The following AFG2A variants were observed in gnomAD, a reference collection of about 807,000 sequenced individuals.
The protein encoded by AFG2A is ATPase family gene 2 protein homolog A.
the AFG2A span, among the ~76,000 whole-genome samples, chr4:123,168,736 A>G: frequency 1.3e-5 from 2 of 152,196 alleles, no homozygotes; most frequent in African/African-American, 2.4e-5. Context: ...GGAAAGCCAA[A>G]GATTATTTTG....
At chr4:123,053,747 G>C in the AFG2A span, among the ~76,000 whole-genome samples, 3 of 152,152 alleles carry the variant, frequency 2.0e-5, no homozygotes, top group African/African-American at 7.2e-5. Flanking sequence ...GGACTCTGCT[G>C]TAGGGACGGA....
the AFG2A span, among the ~76,000 whole-genome samples, chr4:123,280,032 A>G: frequency 1.3e-5 from 2 of 152,204 alleles, no homozygotes; most frequent in Admixed American, 6.5e-5. Flanking sequence ...GGACAATACC[A>G]TGTGCAATGC....
the AFG2A span, among the ~76,000 whole-genome samples, chr4:123,019,174 C>G: frequency 6.6e-6 from 1 of 151,968 alleles, no homozygotes; most frequent in Admixed American, 6.6e-5. Context: ...ATCCTGAGAC[C>G]TTAGGGTTTA....
chr4:123,099,154 A>G, the AFG2A span, among the ~76,000 whole-genome samples: 4 of 151,888 alleles, frequency 2.6e-5, no homozygotes, highest in African/African-American at 4.8e-5. Context: ...GGCTATTTGT[A>G]TGTCTTCTGA....
chr4:122,927,816 A>G, the AFG2A span: 1 of 1,593,388 alleles, frequency 6.3e-7, no homozygotes, highest in Non-Finnish European at 8.5e-7. Flanking sequence ...TGCAAATCCA[A>G]GAATCTAAAC....
chr4:123,120,710 G>T, the AFG2A span, among the ~76,000 whole-genome samples: 39 of 152,248 alleles, frequency 2.6e-4, no homozygotes, highest in African/African-American at 7.7e-4. Flanking sequence ...TGATGTGGTA[G>T]CATAGTGCAT....
the AFG2A span, among the ~76,000 whole-genome samples, chr4:123,038,620 T>G: frequency 1.3e-5 from 2 of 152,212 alleles, no homozygotes; most frequent in East Asian, 3.9e-4. Context: ...TTCAGCTACT[T>G]GGGTTGCATT....
At chr4:123,159,999 C>G in the AFG2A span, among the ~76,000 whole-genome samples, 3 of 152,024 alleles carry the variant, frequency 2.0e-5, no homozygotes, top group Admixed American at 2.0e-4. Context: ...TAATTATGGT[C>G]TGCCAAAAAT....
chr4:123,246,647 C>T, the AFG2A span, among the ~76,000 whole-genome samples: 379 of 152,258 alleles, frequency 2.5e-3, 2 homozygotes, highest in Middle Eastern at 0.014. Context: ...GTCTGACTGC[C>T]TGAAGTCTCT....
chr4:123,135,018 A>G, the AFG2A span, among the ~76,000 whole-genome samples: 1 of 152,310 alleles, frequency 6.6e-6, no homozygotes. Flanking sequence ...ACAAAATACT[A>G]GCAAACCATA....
chr4:123,149,835 T>A, the AFG2A span, among the ~76,000 whole-genome samples: 1 of 137,282 alleles, frequency 7.3e-6, no homozygotes, highest in East Asian at 2.3e-4. Context: ...GGTCAGAGTC[T>A]CACTCTGTCG....
the AFG2A span, among the ~76,000 whole-genome samples, chr4:123,297,580 G>A: frequency 3.9e-5 from 6 of 152,202 alleles, no homozygotes; most frequent in South Asian, 4.2e-4. Context: ...TTAGCCAGAT[G>A]TGGTGGCGGG....
At chr4:123,208,580 T>G in the AFG2A span, among the ~76,000 whole-genome samples, 3 of 152,230 alleles carry the variant, frequency 2.0e-5, no homozygotes, top group Non-Finnish European at 4.4e-5. Flanking sequence ...TTAACCTATA[T>G]ACAGTAACTA....
At chr4:123,292,126 C>A in the AFG2A span, among the ~76,000 whole-genome samples, 1 of 152,158 alleles carries the variant, frequency 6.6e-6, no homozygotes, top group Non-Finnish European at 1.5e-5. Flanking sequence ...TCTTCAAGCT[C>A]TGACATCCTT....
At chr4:123,168,079 C>T in the AFG2A span, among the ~76,000 whole-genome samples, 10 of 152,180 alleles carry the variant, frequency 6.6e-5, no homozygotes, top group African/African-American at 2.2e-4. Flanking sequence ...AGAGTAATAA[C>T]AGGCCTGCTG....
chr4:123,196,550 G>A, the AFG2A span, among the ~76,000 whole-genome samples: 1 of 151,572 alleles, frequency 6.6e-6, no homozygotes, highest in Non-Finnish European at 1.5e-5. Context: ...TTTTCCACAT[G>A]AGACCATTAC....
chr4:122,926,377 T>C, the AFG2A span, among the ~76,000 whole-genome samples: 4 of 152,228 alleles, frequency 2.6e-5, no homozygotes, highest in African/African-American at 9.6e-5. Context: ...GCAAACAATG[T>C]AAGAGAACTA....
At chr4:122,954,736 G>A in the AFG2A span, among the ~76,000 whole-genome samples, 7 of 152,326 alleles carry the variant, frequency 4.6e-5, no homozygotes, top group East Asian at 1.3e-3. Flanking sequence ...TGTGCTGGGA[G>A]CTCAGCCTCA....
the AFG2A span, among the ~76,000 whole-genome samples, chr4:123,299,961 C>A: frequency 6.6e-6 from 1 of 152,058 alleles, no homozygotes; most frequent in South Asian, 2.1e-4. Flanking sequence ...TTTCATCCAC[C>A]CTTCTTTTTC....
Sources: allele counts gnomAD v4.1 joint callset (sites outside exome capture counted in the v4.1 genomes callset), GRCh38; gene constraint gnomAD v4.1.1; transcripts MANE v1.5; gene names NCBI Gene and HGNC (gene_info 2026-07-23, HGNC 2026-07-21).